Variants in ASB1 observed in about 807,000 individuals in gnomAD.
ASB1 encodes ankyrin repeat and SOCS box protein 1.
In ASB1, 18 loss-of-function variants were observed where a neutral mutation model predicts 27.7. The observed-to-expected ratio is 0.65, with a 90% CI of 0.45 to 0.96. The LOEUF is 0.96. Among genes scored for constraint, ASB1 ranks in the 50% least tolerant of loss-of-function variants. The pLI is 0.00. For missense variants in ASB1, 397 were observed against 451.7 expected (o/e 0.88, Z 1.10); for synonymous variants, 189 against 187.6 (o/e 1.01, Z -0.06).
At position 238,444,510 on chromosome 2, in the gene ASB1, C is replaced by T; in HGVS notation, c.663C>T (p.Asn221=). ...TGGCTGGCGCGAACCCTGACTTCAA[C>T]TGCAATGGTCCTGTCAACACACAGG... ...LLLAGANPDF[N]CNGPVNTQGF... is the part of the protein sequence containing the mutation. Residue 221 remains asparagine (N), a synonymous_variant, in exon 4 of 5, where the codon AAC becomes AAT. Coordinates refer to ENST00000264607, the MANE Select transcript of ASB1 (RefSeq NM_001040445.3). 1 of 1,614,252 alleles carries T rather than the reference C, an allele frequency of 6.2e-7. No individual in the cohort carries two copies. The highest frequency in any genetic ancestry group is 8.5e-7 in the Non-Finnish European group (1 of 1,180,052).
At chr2:238,431,479 A>C (rs1303622509) in intron 1 of ASB1, among the ~76,000 whole-genome samples, 1 of 152,166 alleles carries the variant, frequency 6.6e-6, no homozygotes. Flanking sequence ...CTTTCTTATC[A>C]ATTGTGTGTT....
chr2:238,438,360 C>T (rs758577740), intron 3 of ASB1, among the ~76,000 whole-genome samples: 4 of 152,002 alleles, frequency 2.6e-5, no homozygotes, highest in African/African-American at 4.8e-5. Flanking sequence ...CCACCATGCC[C>T]GGCTATTTTT....
intron 1 of ASB1, among the ~76,000 whole-genome samples, chr2:238,429,831 G>T (rs1701831898): frequency 6.6e-6 from 1 of 152,022 alleles, no homozygotes; most frequent in South Asian, 2.1e-4. Context: ...CCAGCTACTT[G>T]GGAGGCTGAG....
Position 238,450,538 on chromosome 2 carries a change from G to T in ASB1, c.*4027G>T, listed in dbSNP as rs1272308481. On this transcript the variant is annotated 3_prime_UTR_variant, in exon 5 of 5. Coordinates refer to ENST00000264607, the MANE Select transcript of ASB1 (RefSeq NM_001040445.3). ...CACGGAACCGCAGTCTAGCTGTGGT[G>T]CATGTTTACGTATTGGTGAGAAATT... 2 of 152,242 alleles carry T rather than the reference G, an allele frequency of 1.3e-5. No individual in the cohort carries two copies. Among genetic ancestry groups the T allele is most frequent in the African/African-American group, 4.8e-5 (2 of 41,468 alleles). The allele number at this position is 152,242 out of a possible 1,614,324, so 9.4% of individuals were successfully genotyped here.
At chr2:238,442,122 T>A (rs1414290197) in intron 3 of ASB1, among the ~76,000 whole-genome samples, 8 of 115,454 alleles carry the variant, frequency 6.9e-5, no homozygotes, top group Non-Finnish European at 1.4e-4. Flanking sequence ...TCTCTCTAAA[T>A]TTTTTTTTTT....
At chr2:238,436,136 A>G (rs1701967297) in intron 3 of ASB1, 123 bp downstream of exon 3, 1 of 910,328 alleles carries the variant, frequency 1.1e-6, no homozygotes, top group Non-Finnish European at 1.6e-6. Context: ...TGGCCTTTGT[A>G]AAGAGCTGCC....
Position 238,427,094 on chromosome 2 carries a change from C to T in ASB1, c.24C>T (p.Asp8=), listed in dbSNP as rs1016393999. The change falls in exon 1 of 5, where the codon GAC becomes GAT. Residue 8 remains aspartate (D), a synonymous_variant. Coordinates refer to ENST00000264607, the MANE Select transcript of ASB1 (RefSeq NM_001040445.3). The part of the protein sequence containing the change: MAEGGSP[D]GRAGPGSAGR... ...CCATGGCGGAGGGCGGCAGCCCAGACGGGCGGGCAGGGCCGGGCTCCGCAG... is the reference window on the plus strand; with the variant it reads ...CCATGGCGGAGGGCGGCAGCCCAGATGGGCGGGCAGGGCCGGGCTCCGCAG... 5.5e-6 allele frequency: 7 copies of T among 1,262,256 alleles called. No individual in the cohort carries two copies. The African/African-American group carries it at 7.8e-5, about 14-fold the overall frequency. The allele number at this position is 1,262,256 out of a possible 1,614,324, so 78.2% of individuals were successfully genotyped here.
chr2:238,428,955 C>T (rs907776069), intron 1 of ASB1, among the ~76,000 whole-genome samples: 1 of 152,132 alleles, frequency 6.6e-6, no homozygotes, highest in South Asian at 2.1e-4. Context: ...GTAGTAACCG[C>T]AACTGTGGAG....
At chr2:238,445,122 T>C (rs551679854) in intron 4 of ASB1, among the ~76,000 whole-genome samples, 1 of 151,744 alleles carries the variant, frequency 6.6e-6, no homozygotes, top group East Asian at 2.0e-4. Flanking sequence ...GCTGGGACTG[T>C]AGGTGCACAC....
intron 3 of ASB1, among the ~76,000 whole-genome samples, chr2:238,436,676 TAATGTCAG>T (rs976408147): frequency 3.9e-5 from 6 of 152,140 alleles, no homozygotes; most frequent in African/African-American, 9.7e-5. Context: ...TCTTATTTTT[TAATGTCAG>T]ACTACATTGT....
rs768253640 is a variant in ASB1 at position 238,433,611 on chromosome 2, G to C, written c.107G>C (p.Cys36Ser). ...EQFCDHPLEH[C>S]EDTRLHDAAY... ...TTTTGTGATCATCCGCTGGAGCACT[G>C]TGAGGACACGAGGCTCCATGATGCA... The change falls in exon 2 of 5, where the codon TGT (cysteine) becomes TCT (serine). Residue 36 changes from cysteine to serine, a missense_variant. Cys to Ser is a moderately radical substitution (Grantham distance 112). Coordinates refer to ENST00000264607, the MANE Select transcript of ASB1 (RefSeq NM_001040445.3). 1 of 1,614,166 alleles carries C rather than the reference G, an allele frequency of 6.2e-7. No homozygotes were observed. Among genetic ancestry groups the C allele is most frequent in the Middle Eastern group, 1.6e-4 (1 of 6,062 alleles).
chr2:238,446,444 A>G lies in ASB1; in HGVS notation c.941A>G (p.His314Arg), dbSNP rs1575009579. 3 of 1,613,944 alleles carry G rather than the reference A, an allele frequency of 1.9e-6. No individual in the cohort carries two copies. Among genetic ancestry groups the G allele is most frequent in the Admixed American group, 1.7e-5 (1 of 59,992 alleles). Residue 314 changes from histidine to arginine, a missense_variant, in exon 5 of 5, where the codon CAC becomes CGC. His to Arg is a conservative substitution (Grantham distance 29, BLOSUM62 0). Coordinates refer to ENST00000264607, the MANE Select transcript of ASB1 (RefSeq NM_001040445.3). ...RVAVRRALGK[H>R]RLHLIPSLPL... The stretch of plus-strand genomic sequence containing the variant: ...GCTGTGAGAAGAGCTCTTGGCAAAC[A>G]CCGGCTTCATCTGATTCCTTCGCTG...
chr2:238,429,212 A>G (rs369608702), intron 1 of ASB1, among the ~76,000 whole-genome samples: 2 of 152,232 alleles, frequency 1.3e-5, no homozygotes, highest in East Asian at 1.9e-4. Flanking sequence ...GCATCTGGAA[A>G]GAGCCCCCTT....
rs777876938 is a variant in ASB1, at chr2:238,448,682, G to T, written c.*2171G>T. 129 of 152,466 alleles carry T rather than the reference G, an allele frequency of 8.5e-4. No homozygotes were observed. The highest frequency in any genetic ancestry group is 1.2e-3 in the Non-Finnish European group (82 of 68,216). The allele number at this position is 152,466 out of a possible 1,614,324, so 9.4% of individuals were successfully genotyped here. ...GCTCAGTTATTGAACCTTTTGGGAA[G>T]CAGCACCTGGGAATGCTGCCTCGTG... On this transcript the variant is annotated 3_prime_UTR_variant, in exon 5 of 5. Coordinates refer to ENST00000264607, the MANE Select transcript of ASB1 (RefSeq NM_001040445.3).
rs1450798401 is a variant in ASB1 at position 238,448,841 on chromosome 2, G to C, written c.*2330G>C. ...TTGGAGGGACCAGGTCACTGCCCCT[G>C]GTCTCTCTAGGAGGAGTGGACTGAA... On this transcript the variant is annotated 3_prime_UTR_variant, in exon 5 of 5. Transcript: ENST00000264607. 6.6e-6 allele frequency: 1 copy of C among 152,322 alleles called. No homozygotes were observed. The highest frequency in any genetic ancestry group is 1.5e-5 in the Non-Finnish European group (1 of 68,148). 9.4% of individuals were successfully genotyped at this position (152,322 alleles called of 1,614,324 possible). A position where few individuals can be genotyped will look rare whatever the true frequency, so the allele number is the denominator to read the frequency against.
chr2:238,445,640 CAT>C (rs1397511154), intron 4 of ASB1, among the ~76,000 whole-genome samples: 2 of 152,246 alleles, frequency 1.3e-5, no homozygotes, highest in African/African-American at 2.4e-5. Flanking sequence ...CTCCTGCCCA[CAT>C]GTCACCCCCT....
chr2:238,446,496 T>G lies in ASB1; in HGVS notation c.993T>G (p.Phe331Leu). ...SLPLPDPIKK[F>L]LLHE The stretch of plus-strand genomic sequence containing the variant: ...CTCTGCCAGACCCCATAAAGAAGTT[T>G]CTACTCCATGAGTAGACTCCAAGTG... Residue 331 changes from phenylalanine to leucine, a missense_variant, in exon 5 of 5, where the codon TTT (phenylalanine) becomes TTG (leucine). Phe to Leu is a conservative substitution (Grantham distance 22). Transcript: ENST00000264607. 6 of 1,614,098 alleles carry G rather than the reference T, an allele frequency of 3.7e-6. No individual in the cohort carries two copies. The highest frequency in any genetic ancestry group is 5.1e-6 in the Non-Finnish European group (6 of 1,180,020).
intron 1 of ASB1, among the ~76,000 whole-genome samples, chr2:238,431,988 A>G (rs918972461): frequency 6.6e-6 from 1 of 152,250 alleles, no homozygotes; most frequent in Non-Finnish European, 1.5e-5. Context: ...AATAGCTCCA[A>G]AAGACTTGCT....
At chr2:238,445,192 T>C (rs938823586) in intron 4 of ASB1, among the ~76,000 whole-genome samples, 1 of 152,154 alleles carries the variant, frequency 6.6e-6, no homozygotes, top group Non-Finnish European at 1.5e-5. Flanking sequence ...TTGCCCAGGC[T>C]TGTGTTGAAC....
Sources: allele counts gnomAD v4.1 joint callset (sites outside exome capture counted in the v4.1 genomes callset), GRCh38; gene constraint gnomAD v4.1.1; transcripts MANE v1.5; gene names NCBI Gene and HGNC (gene_info 2026-07-23, HGNC 2026-07-21).